Variants in FAF2 observed in about 807,000 individuals in gnomAD.
The protein encoded by FAF2 is Fas associated factor family member 2, also known as FAS-associated factor 2.
FAF2 carries 9 observed loss-of-function variants against 62.3 expected under a neutral mutation model. The ratio of observed to expected loss-of-function variants is 0.14; its 90% CI spans 0.09 to 0.25. The LOEUF (loss-of-function observed/expected upper bound fraction) is 0.25. FAF2 is among the 10% of genes least tolerant of loss of function. FAF2 has a pLI of 1.00. For missense variants in FAF2, 368 were observed against 556.2 expected, an observed-to-expected ratio of 0.66 and a Z score of 3.40; for synonymous variants, 202 against 198.0, an observed-to-expected ratio of 1.02 and a Z score of -0.17.
At chr5:176,479,165 C>T (rs552412736) in intron 1 of FAF2, 23 bp from the exon 2 acceptor site, 2 of 1,609,742 alleles carry the variant, frequency 1.2e-6, no homozygotes, top group East Asian at 2.2e-5. Flanking sequence ...CTCTAAGTAA[C>T]TTGTTTTCAT....
At position 176,499,557 on chromosome 5, in the gene FAF2, T is replaced by C. The variant is rs1472938198; in HGVS notation, c.1012-446T>C. ...TCAGACTGAGATATACATTATCTTA[T>C]TTGATTATGTATTACCGCTTACCTA... is the stretch of plus-strand genomic sequence containing the variant. On this transcript the variant is annotated intron_variant, in intron 9 of 10. Transcript: ENST00000261942. Among the ~76,000 whole-genome samples the C allele has an allele frequency of 2.0e-5, 3 of 152,244 alleles. No homozygotes were observed. The East Asian group carries it at 5.8e-4, about 29-fold the overall frequency.
intron 10 of FAF2, 62 bp from the exon 11 acceptor site, chr5:176,506,699 GTGTGTGC>G: frequency 1.2e-6 from 1 of 855,550 alleles, no homozygotes; most frequent in Non-Finnish European, 1.6e-6. Flanking sequence ...TTGTGTGTGC[GTGTGTGC>G]GTGTGTGTGT....
chr5:176,457,689 TAG>T (rs1361897059), intron 1 of FAF2, among the ~76,000 whole-genome samples: 1 of 151,776 alleles, frequency 6.6e-6, no homozygotes, highest in Non-Finnish European at 1.5e-5. Context: ...ATACTACTGT[TAG>T]TGAGAGTGCC....
At chr5:176,489,321 C>T (rs1201427336) in intron 4 of FAF2, among the ~76,000 whole-genome samples, 1 of 142,758 alleles carries the variant, frequency 7.0e-6, no homozygotes, top group Non-Finnish European at 1.5e-5. Context: ...GTCACCTCTA[C>T]ACTTCCTAGT....
intron 8 of FAF2, 58 bp downstream of exon 8, chr5:176,496,721 A>G: frequency 7.4e-7 from 1 of 1,350,038 alleles, no homozygotes; most frequent in East Asian, 2.6e-5. Context: ...TGGAGGGCTG[A>G]CCTCTGGGGC....
chr5:176,504,483 C>T (rs1182701392), intron 10 of FAF2, among the ~76,000 whole-genome samples: 1 of 151,874 alleles, frequency 6.6e-6, no homozygotes, highest in East Asian at 2.0e-4. Flanking sequence ...GCTTGGGAGG[C>T]TGAGGCAGGA....
In FAF2 at chr5:176,509,454, A is replaced by C. The variant is rs987429067; in HGVS notation, c.*2504A>C. On this transcript the variant is annotated 3_prime_UTR_variant, in exon 11 of 11. Transcript: ENST00000261942. ...GTTGTTTCCAAATGGCAAATCATCA[A>C]CTAAAAGCACTTGTTTCAAGTTTTG... 1 of 152,254 alleles carries C rather than the reference A, an allele frequency of 6.6e-6. No homozygotes were observed. Among genetic ancestry groups the C allele is most frequent in the African/African-American group, 2.4e-5 (1 of 41,446 alleles). The allele number at this position is 152,254 out of a possible 1,614,324, so 9.4% of individuals were successfully genotyped here. A position where few individuals can be genotyped will look rare whatever the true frequency, so the allele number is the denominator to read the frequency against.
chr5:176,456,856 C>T (rs1199057727), intron 1 of FAF2, among the ~76,000 whole-genome samples: 1 of 152,142 alleles, frequency 6.6e-6, no homozygotes, highest in African/African-American at 2.4e-5. Context: ...TTGTAGTTGA[C>T]ATCTTTATGT....
At chr5:176,451,462 T>C (rs1758168583) in intron 1 of FAF2, among the ~76,000 whole-genome samples, 1 of 152,000 alleles carries the variant, frequency 6.6e-6, no homozygotes, top group South Asian at 2.1e-4. Flanking sequence ...GAGATTACAG[T>C]GTTGAGATGA....
At chr5:176,495,441 T>C (rs979630499) in intron 7 of FAF2, among the ~76,000 whole-genome samples, 5 of 152,062 alleles carry the variant, frequency 3.3e-5, no homozygotes, top group Admixed American at 2.0e-4. Context: ...TAAAATCTCT[T>C]ATTTCACACC....
At chr5:176,486,611 C>T (rs899483540) in intron 3 of FAF2, 122 bp downstream of exon 3, 32 of 994,208 alleles carry the variant, frequency 3.2e-5, no homozygotes, top group Non-Finnish European at 3.8e-5. Flanking sequence ...GTTAGTTAGA[C>T]TTGGCCCGTT....
At chr5:176,478,566 A>G (rs927560382) in intron 1 of FAF2, among the ~76,000 whole-genome samples, 3 of 152,252 alleles carry the variant, frequency 2.0e-5, no homozygotes, top group African/African-American at 7.2e-5. Flanking sequence ...AGTATATAAA[A>G]TGAAATAAGT....
intron 2 of FAF2, among the ~76,000 whole-genome samples, chr5:176,483,865 G>A (rs796566296): frequency 6.6e-6 from 1 of 151,982 alleles, no homozygotes; most frequent in South Asian, 2.1e-4. Flanking sequence ...TCACGAGGTC[G>A]GGAATTTAAG....
At chr5:176,501,864 C>A (rs563905933) in intron 10 of FAF2, among the ~76,000 whole-genome samples, 1 of 152,314 alleles carries the variant, frequency 6.6e-6, no homozygotes, top group Admixed American at 6.5e-5. Context: ...AGCAATTCTC[C>A]TGCCTCAGCC....
In FAF2 at chr5:176,506,796, A is replaced by G. The variant is rs1755692505; in HGVS notation, c.1184A>G (p.Lys395Arg). The G allele has an allele frequency of 6.2e-7, 1 of 1,613,798 alleles. No homozygotes were observed. Among genetic ancestry groups the G allele is most frequent in the Non-Finnish European group, 8.5e-7 (1 of 1,179,932 alleles). The change falls in exon 11 of 11, where the codon AAG (lysine) becomes AGG (arginine). Residue 395 changes from lysine (K) to arginine (R), a missense_variant. By Grantham distance (26) the Lys-to-Arg change is conservative. Around this residue, in one of 2 missense-constraint regions of FAF2, gnomAD observed 37 missense variants for 114.3 expected, o/e 0.32. Coordinates refer to ENST00000261942, the MANE Select transcript of FAF2 (RefSeq NM_014613.3). ...ATCCACGACTTCTTATTCTCCTTGA[A>G]GGAAAGCCCAGAAAAGTTTCAGATT... ...TVIHDFLFSLKESPEKFQIEA... is the reference protein window; with the variant it reads ...TVIHDFLFSLRESPEKFQIEA...
rs1430417955 is a variant in FAF2 at position 176,508,201 on chromosome 5, T to G, written c.*1251T>G. 6.6e-6 allele frequency: 1 copy of G among 152,106 alleles called. No individual in the cohort carries two copies. The highest frequency in any genetic ancestry group is 2.4e-5 in the African/African-American group (1 of 41,340). The allele number at this position is 152,106 out of a possible 1,614,324, so 9.4% of individuals were successfully genotyped here. A position where few individuals can be genotyped will look rare whatever the true frequency, so the allele number is the denominator to read the frequency against. ...CTATTGCTATGTTGAAGTAATAGGG[T>G]TTTTTTTAACCTCTGGATGTCTCGT... On this transcript the variant is annotated 3_prime_UTR_variant, in exon 11 of 11. Coordinates refer to ENST00000261942, the MANE Select transcript of FAF2 (RefSeq NM_014613.3).
chr5:176,500,284 G>A (rs2113746652), intron 10 of FAF2, 138 bp downstream of exon 10: 2 of 839,610 alleles, frequency 2.4e-6, no homozygotes, highest in Admixed American at 5.0e-5. Flanking sequence ...AGAGAGATGG[G>A]TATGCCATCC....
intron 2 of FAF2, among the ~76,000 whole-genome samples, chr5:176,484,822 G>A (rs891102860): frequency 3.3e-5 from 5 of 151,456 alleles, no homozygotes; most frequent in African/African-American, 9.7e-5. Flanking sequence ...ACCTGGGGGC[G>A]CGGAGGTTGC....
At chr5:176,463,394 A>G (rs1561817078) in intron 1 of FAF2, among the ~76,000 whole-genome samples, 2 of 152,098 alleles carry the variant, frequency 1.3e-5, no homozygotes, top group Non-Finnish European at 1.5e-5. Context: ...CAAAAAAAAA[A>G]AAGGAATTAA....
Sources: allele counts gnomAD v4.1 joint callset (sites outside exome capture counted in the v4.1 genomes callset), GRCh38; gene constraint gnomAD v4.1.1; regional missense constraint gnomAD v4.1.1; transcripts MANE v1.5; gene names NCBI Gene and HGNC (gene_info 2026-07-23, HGNC 2026-07-21).